The following NEDD1 variants were observed in gnomAD, a reference collection of about 807,000 sequenced individuals.
The protein encoded by NEDD1 is NEDD1 gamma-tubulin ring complex targeting factor.
A neutral mutation model predicts 74.0 loss-of-function variants in NEDD1; 33 were observed. The ratio of observed to expected loss-of-function variants is 0.45; its 90% CI spans 0.34 to 0.60. The LOEUF is 0.60. Ranked by LOEUF, NEDD1 falls within the 20% of genes least tolerant of loss-of-function variation. NEDD1 has a pLI of 0.01. For synonymous variants in NEDD1, 250 were observed against 264.4 expected (o/e 0.95, Z 0.53); for missense variants, 746 against 776.5 (o/e 0.96, Z 0.47).
rs1432527148 is a variant in NEDD1 at position 96,924,968 on chromosome 12, T to C, written c.489+4843T>C. On this transcript the variant is annotated intron_variant, in intron 6 of 15. Transcript: ENST00000266742. ...GTTTGTTTTGTAGATATCCTTTATCTTATTAGGGTGCTGTATATTGTGGGC... is the reference window on the plus strand; with the variant it reads ...GTTTGTTTTGTAGATATCCTTTATCCTATTAGGGTGCTGTATATTGTGGGC... 5 of 386,348 alleles carry C rather than the reference T, an allele frequency of 1.3e-5. No individual in the cohort carries two copies. In the East Asian group the frequency reaches 3.2e-4, roughly 25 times the overall value. The allele number at this position is 386,348 out of a possible 1,614,324, so 23.9% of individuals were successfully genotyped here.
At position 96,952,007 on chromosome 12, in the gene NEDD1, T is replaced by C. The variant is rs149896388; in HGVS notation, c.1937T>C (p.Ile646Thr). Residue 646 changes from isoleucine (I) to threonine (T), a missense_variant, in exon 16 of 16, where the codon ATT becomes ACT. By Grantham distance (89) the Ile-to-Thr change is moderately conservative. This residue lies in a region of NEDD1 where 29 missense variants were observed against 50.8 expected (regional missense o/e 0.57). Transcript: ENST00000266742. Reference sequence around the variant, plus strand: ...GTGAATGAAGGTTTAGTGGCTGAAATTGAAAGACTACGAGAAGAAAACAAA... The same window carrying C: ...GTGAATGAAGGTTTAGTGGCTGAAACTGAAAGACTACGAGAAGAAAACAAA... ...YSVNEGLVAE[I>T]ERLREENKRL... The C allele has an allele frequency of 8.1e-6, 13 of 1,606,908 alleles. No homozygotes were observed. The highest frequency in any genetic ancestry group is 1.0e-5 in the Non-Finnish European group (12 of 1,174,778).
At chr12:96,909,273 G>A (rs1415036303) in intron 2 of NEDD1, among the ~76,000 whole-genome samples, 1 of 152,144 alleles carries the variant, frequency 6.6e-6, no homozygotes, top group Admixed American at 6.5e-5. Context: ...CCCTTACCAG[G>A]TAAGGAAGGG....
intron 3 of NEDD1, among the ~76,000 whole-genome samples, chr12:96,910,712 C>CTGGAGAG (rs1346524983): frequency 2.0e-5 from 3 of 152,176 alleles, no homozygotes; most frequent in African/African-American, 7.2e-5. Flanking sequence ...CCAGAATTGC[C>CTGGAGAG]TGAATCACTC....
rs1000830518 is a variant in NEDD1, at chr12:96,907,835, G to A, written c.-30G>A. 2.1e-6 allele frequency: 3 copies of A among 1,421,202 alleles called. No individual in the cohort carries two copies. Among genetic ancestry groups the A allele is most frequent in the Non-Finnish European group, 2.8e-6 (3 of 1,086,672 alleles). The allele number at this position is 1,421,202 out of a possible 1,614,324, so 88.0% of individuals were successfully genotyped here. On this transcript the variant is annotated 5_prime_UTR_variant, in exon 2 of 16. An upstream start codon of the reference 5' UTR is lost. Coordinates refer to ENST00000266742, the MANE Select transcript of NEDD1 (RefSeq NM_152905.4). Reference sequence around the variant, plus strand: ...ACTCATGTAAAGTCTCTCCCTTAATGCTCAGTTCTTAGAAGACCGAGGTAG... The same window carrying A: ...ACTCATGTAAAGTCTCTCCCTTAATACTCAGTTCTTAGAAGACCGAGGTAG...
rs777283967 is a variant in NEDD1, at chr12:96,952,070, T to C, written c.*17T>C. The C allele has an allele frequency of 9.8e-6, 13 of 1,321,586 alleles. No homozygotes were observed. In the Admixed American group the frequency reaches 2.0e-4, roughly 21 times the overall value. The allele number at this position is 1,321,586 out of a possible 1,614,324, so 81.9% of individuals were successfully genotyped here. A position where few individuals can be genotyped will look rare whatever the true frequency, so the allele number is the denominator to read the frequency against. ...CACTTTTGAAATTTCAGTGAATACC[T>C]TAATGTTCTGTAATTTGGGAAGTTT... On this transcript the variant is annotated 3_prime_UTR_variant, in exon 16 of 16. Transcript: ENST00000266742.
intron 11 of NEDD1, among the ~76,000 whole-genome samples, chr12:96,943,347 T>A (rs1192507079): frequency 1.3e-5 from 2 of 152,164 alleles, no homozygotes; most frequent in Non-Finnish European, 2.9e-5. Flanking sequence ...ATATCATCAT[T>A]TACATTTGTA....
intron 15 of NEDD1, 88 bp from the exon 16 acceptor site, chr12:96,951,861 G>A (rs1002077797): frequency 1.4e-6 from 1 of 710,162 alleles, no homozygotes; most frequent in South Asian, 1.7e-5. Flanking sequence ...GAACATGAGA[G>A]AAATGATAGC....
At chr12:96,931,471 G>GA (rs1876460642) in intron 6 of NEDD1, among the ~76,000 whole-genome samples, 1 of 152,086 alleles carries the variant, frequency 6.6e-6, no homozygotes, top group South Asian at 2.1e-4. Flanking sequence ...TAGCCCAATA[G>GA]AAAATAGGCA....
chr12:96,924,991 G>T, intron 6 of NEDD1: 1 of 299,162 alleles, frequency 3.3e-6, no homozygotes, highest in Non-Finnish European at 6.5e-6. Context: ...GTATATTGTG[G>T]GCAGATTTTA....
intron 5 of NEDD1, among the ~76,000 whole-genome samples, chr12:96,919,645 C>CT (rs1395763030): frequency 3.9e-5 from 6 of 152,166 alleles, no homozygotes; most frequent in Non-Finnish European, 5.9e-5. Flanking sequence ...TCCTCTGACA[C>CT]TTTGCTTCCA....
At chr12:96,929,768 G>T (rs1876176028) in intron 6 of NEDD1, among the ~76,000 whole-genome samples, 1 of 151,506 alleles carries the variant, frequency 6.6e-6, no homozygotes, top group South Asian at 2.1e-4. Flanking sequence ...TCTGACCTGA[G>T]AGGGACACAC....
intron 9 of NEDD1, among the ~76,000 whole-genome samples, chr12:96,940,167 T>C (rs576690205): frequency 1.3e-5 from 2 of 152,192 alleles, no homozygotes; most frequent in East Asian, 3.9e-4. Context: ...AGCTGTTTTC[T>C]TTTGAGGAAC....
intron 14 of NEDD1, among the ~76,000 whole-genome samples, chr12:96,949,621 T>G (rs1318125240): frequency 1.3e-5 from 2 of 152,022 alleles, no homozygotes; most frequent in African/African-American, 4.8e-5. Flanking sequence ...AGAATAAGGT[T>G]GAAGGGGACT....
intron 6 of NEDD1, among the ~76,000 whole-genome samples, chr12:96,928,426 G>A (rs1371265901): frequency 6.6e-6 from 1 of 151,966 alleles, no homozygotes; most frequent in Non-Finnish European, 1.5e-5. Context: ...TTTTCTTTGA[G>A]AGTACAAGTT....
chr12:96,938,343 T>A (rs1326881142), intron 9 of NEDD1, among the ~76,000 whole-genome samples: 2 of 152,096 alleles, frequency 1.3e-5, no homozygotes, highest in Non-Finnish European at 2.9e-5. Flanking sequence ...GATATCTACT[T>A]AAGGAAGAAA....
Position 96,935,044 on chromosome 12 carries a change from A to AG in NEDD1, c.559dup (p.Val187GlyfsTer8). On this transcript the variant is annotated frameshift_variant, in exon 7 of 16. Transcript: ENST00000266742. LOFTEE classifies it high-confidence loss of function. ...TGGGCAGTGTTTCGGATAATGGAAT[A>AG]GTAACTCTCTGGGATGTAAATAGTC... 1 of 1,612,428 alleles carries AG rather than the reference A, an allele frequency of 6.2e-7. No individual in the cohort carries two copies. Among genetic ancestry groups the AG allele is most frequent in the Non-Finnish European group, 8.5e-7 (1 of 1,178,418 alleles).
Position 96,909,916 on chromosome 12 carries a change from ACACAC to A in NEDD1, c.136+22_136+26del, listed in dbSNP as rs1295200989. On this transcript the variant is annotated intron_variant, in intron 3 of 15. Transcript: ENST00000266742. ...CAATAGTATCCTTTAAAAAAAAAAA[ACACAC>A]ACACACACACACAAACCGCTTATTA... 2.5e-6 allele frequency: 3 copies of A among 1,216,238 alleles called. No homozygotes were observed. The African/African-American group carries it at 4.7e-5, about 19-fold the overall frequency. The allele number at this position is 1,216,238 out of a possible 1,614,324, so 75.3% of individuals were successfully genotyped here. A position where few individuals can be genotyped will look rare whatever the true frequency, so the allele number is the denominator to read the frequency against.
chr12:96,917,507 T>C (rs1049768631), intron 4 of NEDD1, 114 bp from the exon 5 acceptor site: 20 of 1,189,964 alleles, frequency 1.7e-5, no homozygotes, highest in Non-Finnish European at 2.1e-5. Flanking sequence ...AGCATGTTTA[T>C]AGTATTTAAT....
intron 2 of NEDD1, among the ~76,000 whole-genome samples, chr12:96,908,483 C>CT (rs1285411152): frequency 6.6e-6 from 1 of 152,162 alleles, no homozygotes; most frequent in Non-Finnish European, 1.5e-5. Context: ...TTTTGAGCAT[C>CT]TTTTTTTCTC....
Sources: gnomAD v4.1 joint callset for allele counts (sites outside exome capture counted in the v4.1 genomes callset) on GRCh38, gnomAD v4.1.1 for gene constraint, gnomAD v4.1.1 regional missense constraint, MANE v1.5 for transcripts, NCBI Gene and HGNC (gene_info 2026-07-23, HGNC 2026-07-21) for gene names.